HERC1: variants seen among roughly 807,000 people sequenced by gnomAD.
The protein encoded by HERC1 is probable E3 ubiquitin-protein ligase HERC1.
Under a neutral mutation model 554.3 loss-of-function variants are expected in HERC1, and 160 were observed. The ratio of observed to expected loss-of-function variants is 0.29; its 90% CI spans 0.25 to 0.33. The LOEUF is 0.33. Ranked by LOEUF, HERC1 falls within the 10% of genes least tolerant of loss-of-function variation. The probability of loss-of-function intolerance (pLI) is 1.00; values close to 1 mark genes in which losing one functional copy is unlikely to be tolerated. For missense variants in HERC1, 4,919 were observed against 5,918.5 expected, an observed-to-expected ratio of 0.83 and a Z score of 5.54; for synonymous variants, 2,175 against 2,131.7, an observed-to-expected ratio of 1.02 and a Z score of -0.56.
intron 12 of HERC1, among the ~76,000 whole-genome samples, chr15:63,738,295 T>A (rs1445055640): frequency 2.0e-5 from 3 of 152,166 alleles, no homozygotes; most frequent in Admixed American, 2.0e-4. Flanking sequence ...GACACTAAAT[T>A]GTTACAGAAG....
At chr15:63,754,708 G>A in intron 6 of HERC1, 60 bp from the exon 7 acceptor site, 4 of 1,442,626 alleles carry the variant, frequency 2.8e-6, no homozygotes, top group Non-Finnish European at 3.8e-6. Flanking sequence ...TCTAGGCCTT[G>A]ACTTCACAAG....
rs1262294972 is a variant in HERC1, at chr15:63,635,698, G to A, written c.12414+263C>T. ...ACCACACAATATTCCTTCCAAGGGC[G>A]TGCAGCACCCTAGTCTGGGCCAACC... is the stretch of plus-strand genomic sequence containing the variant. On this transcript the variant is annotated intron_variant, in intron 65 of 77. Coordinates refer to ENST00000443617, the MANE Select transcript of HERC1 (RefSeq NM_003922.4). 1.6e-4 allele frequency among the ~76,000 whole-genome samples: 24 copies of A among 152,070 alleles called. 1 individual carries two copies. The highest frequency in any genetic ancestry group is 1.4e-3 in the Admixed American group (21 of 15,256).
intron 21 of HERC1, among the ~76,000 whole-genome samples, chr15:63,717,037 G>T (rs1011639568): frequency 6.6e-6 from 1 of 152,092 alleles, no homozygotes; most frequent in Non-Finnish European, 1.5e-5. Flanking sequence ...ACAAAGAAAA[G>T]AATCCTTAAA....
chr15:63,826,784 TAAAAAAAAAAAAAAAAA>T (rs71456333), intron 1 of HERC1, among the ~76,000 whole-genome samples: 13 of 37,104 alleles, frequency 3.5e-4, no homozygotes, highest in South Asian at 1.4e-3. Context: ...TTATCTCTGG[TAAAAAAAAAAAAAAAAA>T]AAAAAAAAAA....
At chr15:63,801,913 A>G (rs1301855504) in intron 1 of HERC1, among the ~76,000 whole-genome samples, 2 of 152,206 alleles carry the variant, frequency 1.3e-5, no homozygotes, top group African/African-American at 2.4e-5. Context: ...CCAGACCTGG[A>G]CATCCACTGC....
At chr15:63,735,541 T>TAA (rs34912552) in intron 12 of HERC1, among the ~76,000 whole-genome samples, 1,799 of 125,310 alleles carry the variant, frequency 0.014, 30 homozygotes, top group African/African-American at 0.05. Context: ...ATTTAAAGTA[T>TAA]AAAAAAAAAA....
chr15:63,803,004 G>C (rs2077039283), intron 1 of HERC1, among the ~76,000 whole-genome samples: 5 of 152,142 alleles, frequency 3.3e-5, no homozygotes, highest in Admixed American at 3.3e-4. Flanking sequence ...GAGCCCAGGA[G>C]TTTGAGACTA....
At chr15:63,719,426 G>C (rs2073711529) in intron 19 of HERC1, among the ~76,000 whole-genome samples, 1 of 152,262 alleles carries the variant, frequency 6.6e-6, no homozygotes, top group Non-Finnish European at 1.5e-5. Context: ...GAAGACATCA[G>C]AGAGCTGGCT....
chr15:63,668,458 G>A (rs1023878558), intron 40 of HERC1, among the ~76,000 whole-genome samples: 11 of 152,108 alleles, frequency 7.2e-5, no homozygotes, highest in African/African-American at 2.2e-4. Flanking sequence ...ACTCCAGCCC[G>A]GGTGACAGAG....
rs1366303353 is a variant in HERC1, at chr15:63,658,632, C to T, written c.9511G>A (p.Val3171Met). 2 of 1,613,884 alleles carry T rather than the reference C, an allele frequency of 1.2e-6. No homozygotes were observed. Among genetic ancestry groups the T allele is most frequent in the Non-Finnish European group, 1.7e-6 (2 of 1,179,870 alleles). The change falls in exon 48 of 78, where the codon GTG (valine) becomes ATG (methionine). Residue 3171 changes from valine (V) to methionine (M), a missense_variant. By Grantham distance (21) the Val-to-Met change is conservative (BLOSUM62 1). Transcript: ENST00000443617. ...GCAGTCACTCTCCTTAAAGCCACCA[C>T]ACGGTCATGAGGGTTTGCTAGGGCA... ...AAALANPHDR[V>M]VALRRVTAAA...
chr15:63,678,009 C>G lies in HERC1; in HGVS notation c.6906G>C (p.Glu2302Asp), dbSNP rs202115539. ...CTATCACAGCCAGCACGGGCCACAC[C>G]TCTATGCAAAGAGTCCTCAGCTGCA... is the stretch of plus-strand genomic sequence containing the variant. Reference protein sequence around the residue: ...SELQLRTLCIEVWPVLAVIGG... With the variant: ...SELQLRTLCIDVWPVLAVIGG... The change falls in exon 37 of 78, where the codon GAG becomes GAC. Residue 2302 changes from glutamate to aspartate, a missense_variant. Around this residue, in one of 11 missense-constraint regions of HERC1, gnomAD observed 1,963 missense variants for 2,228.6 expected, o/e 0.88. Transcript: ENST00000443617. 3.1e-6 allele frequency: 5 copies of G among 1,613,986 alleles called. No homozygotes were observed. The highest frequency in any genetic ancestry group is 1.3e-5 in the African/African-American group (1 of 75,044).
At chr15:63,625,124 G>GCACA (rs368571299) in intron 71 of HERC1, among the ~76,000 whole-genome samples, 1 of 151,438 alleles carries the variant, frequency 6.6e-6, no homozygotes, top group African/African-American at 2.4e-5. Context: ...TCTCACGCAT[G>GCACA]CACACACACA....
In HERC1 at chr15:63,654,138, A is replaced by G. The variant is rs752174820; in HGVS notation, c.10271T>C (p.Leu3424Ser). The G allele has an allele frequency of 6.2e-7, 1 of 1,613,566 alleles. No individual in the cohort carries two copies. The highest frequency in any genetic ancestry group is 8.5e-7 in the Non-Finnish European group (1 of 1,179,452). The change falls in exon 51 of 78, where the codon TTG (leucine) becomes TCG (serine). Residue 3424 changes from leucine (L) to serine (S), a missense_variant. Around this residue, in one of 11 missense-constraint regions of HERC1, gnomAD observed 1,963 missense variants for 2,228.6 expected, o/e 0.88. Coordinates refer to ENST00000443617, the MANE Select transcript of HERC1 (RefSeq NM_003922.4). ...ACTTACTCTGTTCTGATGAGCCTCCAATTTGATAAAGGAGCATTTTCTAAG... is the reference window on the plus strand; with the variant it reads ...ACTTACTCTGTTCTGATGAGCCTCCGATTTGATAAAGGAGCATTTTCTAAG... ...GDLRKCSFIKLEAHQNRVMTC... is the reference protein window; with the variant it reads ...GDLRKCSFIKSEAHQNRVMTC...
At chr15:63,625,938 T>A in intron 71 of HERC1, 47 bp downstream of exon 71, 1 of 1,570,286 alleles carries the variant, frequency 6.4e-7, no homozygotes, top group East Asian at 2.3e-5. Flanking sequence ...CGGGCACTGC[T>A]TACCAAGCCA....
At chr15:63,753,175 T>C in intron 7 of HERC1, 90 bp from the exon 8 acceptor site, 1 of 860,132 alleles carries the variant, frequency 1.2e-6, no homozygotes, top group Non-Finnish European at 1.6e-6. Context: ...AGCTCTAATG[T>C]TTCCATCACT....
intron 1 of HERC1, among the ~76,000 whole-genome samples, chr15:63,782,003 C>A (rs1450669664): frequency 6.6e-6 from 1 of 152,158 alleles, no homozygotes; most frequent in Non-Finnish European, 1.5e-5. Flanking sequence ...AAGGAAAATG[C>A]AGAAGAGTTT....
rs80024345 is a variant in HERC1 at position 63,645,463 on chromosome 15, G to T, written c.11078+20C>A. On this transcript the variant is annotated intron_variant, in intron 56 of 77. Transcript: ENST00000443617. ...ACCAATATAAAAACTAAGACGTATA[G>T]ATGCAAATTGACAACATACGTAGCC... The T allele has an allele frequency of 2.3e-3, 3,578 of 1,580,436 alleles. 4 individuals carry two copies. The highest frequency in any genetic ancestry group is 2.9e-3 in the Non-Finnish European group (3,356 of 1,159,740).
rs2076098109 is a variant in HERC1 at position 63,775,908 on chromosome 15, C to T, written c.-26-259G>A. Among the ~76,000 whole-genome samples, 1 of 152,004 alleles carries T rather than the reference C, an allele frequency of 6.6e-6. No individual in the cohort carries two copies. Among genetic ancestry groups the T allele is most frequent in the South Asian group, 2.1e-4 (1 of 4,810 alleles). Reference sequence around the variant, plus strand: ...CAAAAATTAGCCAGGCATGGTGGCACATACCTCTAGTCCCAGCTGCTTGGG... The same window carrying T: ...CAAAAATTAGCCAGGCATGGTGGCATATACCTCTAGTCCCAGCTGCTTGGG... On this transcript the variant is annotated intron_variant, in intron 1 of 77. Coordinates refer to ENST00000443617, the MANE Select transcript of HERC1 (RefSeq NM_003922.4). The surrounding 1 kb of genome is among the most constrained non-coding windows in gnomAD (Gnocchi z 4.0).
intron 5 of HERC1, 71 bp from the exon 6 acceptor site, chr15:63,755,396 C>T: frequency 8.8e-7 from 1 of 1,134,600 alleles, no homozygotes; most frequent in South Asian, 1.3e-5. Flanking sequence ...TGATCCTATA[C>T]ACAGAGACTT....
Sources: allele counts gnomAD v4.1 joint callset (sites outside exome capture counted in the v4.1 genomes callset), GRCh38; gene constraint gnomAD v4.1.1; regional missense constraint gnomAD v4.1.1; non-coding constraint Gnocchi (gnomAD v3.1); transcripts MANE v1.5; gene names NCBI Gene and HGNC (gene_info 2026-07-23, HGNC 2026-07-21).